Variants in CCDC171 observed in about 807,000 individuals in gnomAD.
CCDC171 encodes coiled-coil domain containing 171.
A neutral mutation model predicts 168.2 loss-of-function variants in CCDC171; 177 were observed. That is an observed-to-expected ratio of 1.05 (90% CI 0.93 to 1.19). The LOEUF is 1.19. CCDC171 is among the 50% of genes most tolerant of loss of function. The pLI is 0.00. For synonymous variants in CCDC171, 687 were observed against 540.8 expected (o/e 1.27, Z -3.75); for missense variants, 1,991 against 1,539.0 (o/e 1.29, Z -4.91).
intron 4 of CCDC171, among the ~76,000 whole-genome samples, chr9:15,585,265 C>G (rs1045619073): frequency 1.3e-5 from 2 of 151,180 alleles, no homozygotes; most frequent in African/African-American, 2.4e-5. Context: ...GAAAGAAAAA[C>G]TTTTGTCCAA....
At chr9:15,944,850 T>TTCTTTCTTTCTG (rs1828144948) in intron 25 of CCDC171, among the ~76,000 whole-genome samples, 1 of 150,322 alleles carries the variant, frequency 6.7e-6, no homozygotes, top group Non-Finnish European at 1.5e-5. Context: ...CTTTCTTTCT[T>TTCTTTCTTTCTG]TCTTTCTTTC....
At chr9:15,865,194 C>T (rs2061723783) in intron 23 of CCDC171, among the ~76,000 whole-genome samples, 1 of 151,938 alleles carries the variant, frequency 6.6e-6, no homozygotes, top group African/African-American at 2.4e-5. Flanking sequence ...TTTGGATTTG[C>T]TTCTTCAGAA....
chr9:15,680,475 A>G (rs938558283), intron 10 of CCDC171, among the ~76,000 whole-genome samples: 7 of 152,234 alleles, frequency 4.6e-5, no homozygotes, highest in Non-Finnish European at 7.3e-5. Flanking sequence ...TCACCAAATC[A>G]GTGCTGCCCA....
At chr9:15,829,085 GT>G (rs1243711812) in intron 21 of CCDC171, among the ~76,000 whole-genome samples, 1 of 152,130 alleles carries the variant, frequency 6.6e-6, no homozygotes, top group Non-Finnish European at 1.5e-5. Flanking sequence ...CAAATATATT[GT>G]TACATTCAGT....
chr9:15,793,536 C>T (rs112741930), intron 21 of CCDC171, among the ~76,000 whole-genome samples: 4 of 146,988 alleles, frequency 2.7e-5, no homozygotes, highest in Admixed American at 6.9e-5. Context: ...AGCACCACAT[C>T]GCACTTATTC....
chr9:15,766,827 T>A (rs1205524034), intron 18 of CCDC171, among the ~76,000 whole-genome samples: 1 of 152,120 alleles, frequency 6.6e-6, no homozygotes, highest in African/African-American at 2.4e-5. Context: ...AGCTGATTTC[T>A]AAGGTTTGTT....
At chr9:15,593,588 A>T (rs1260942187) in intron 5 of CCDC171, among the ~76,000 whole-genome samples, 1 of 152,102 alleles carries the variant, frequency 6.6e-6, no homozygotes, top group Non-Finnish European at 1.5e-5. Flanking sequence ...AAATTTATAT[A>T]TAAATTATCA....
rs1316496520 is a variant in CCDC171 at position 15,819,890 on chromosome 9, C to A, written c.3268-26812C>A. On this transcript the variant is annotated intron_variant, in intron 21 of 25. Coordinates refer to ENST00000380701, the MANE Select transcript of CCDC171 (RefSeq NM_173550.4). Reference sequence around the variant, plus strand: ...ACCCCAAATCAATAGAATACACATTCTTTTCAGCACCACACCACACCTATT... The same window carrying A: ...ACCCCAAATCAATAGAATACACATTATTTTCAGCACCACACCACACCTATT... Among the ~76,000 whole-genome samples the A allele has an allele frequency of 4.2e-5, 5 of 117,792 alleles. 1 individual carries two copies. The highest frequency in any genetic ancestry group is 1.6e-4 in the African/African-American group (5 of 31,310). 77.3% of individuals were successfully genotyped at this position (117,792 alleles called of 152,430 possible).
At chr9:16,081,480 A>G in the CCDC171 span, among the ~76,000 whole-genome samples, 1 of 152,150 alleles carries the variant, frequency 6.6e-6, no homozygotes, top group Non-Finnish European at 1.5e-5. Flanking sequence ...TCCCTTGCTC[A>G]CTGAACATGA....
chr9:16,077,877 C>G, the CCDC171 span, among the ~76,000 whole-genome samples: 3 of 152,090 alleles, frequency 2.0e-5, no homozygotes, highest in East Asian at 5.8e-4. Flanking sequence ...GTTTCAGTAC[C>G]CAGGAAAAAA....
chr9:15,833,746 T>C (rs1419287398), intron 21 of CCDC171, among the ~76,000 whole-genome samples: 1 of 152,200 alleles, frequency 6.6e-6, no homozygotes, highest in East Asian at 1.9e-4. Context: ...ATTTATTTCC[T>C]TGCCACTTGG....
At chr9:16,085,359 G>T in the CCDC171 span, among the ~76,000 whole-genome samples, 1 of 152,226 alleles carries the variant, frequency 6.6e-6, no homozygotes, top group African/African-American at 2.4e-5. Context: ...AACTCAAGCT[G>T]CTGACCTCAG....
At chr9:15,662,807 C>A (rs2048415653) in intron 8 of CCDC171, among the ~76,000 whole-genome samples, 1 of 151,864 alleles carries the variant, frequency 6.6e-6, no homozygotes, top group African/African-American at 2.4e-5. Context: ...GAAACCCCAT[C>A]TCTACTAAAA....
chr9:15,767,504 A>G (rs138541392), intron 18 of CCDC171, among the ~76,000 whole-genome samples: 30 of 152,140 alleles, frequency 2.0e-4, no homozygotes, highest in African/African-American at 7.0e-4. Flanking sequence ...ACTTCATTCC[A>G]TCTACACCCT....
At chr9:15,565,086 CTT>C (rs34584445) in intron 2 of CCDC171, among the ~76,000 whole-genome samples, 40,213 of 118,970 alleles carry the variant, frequency 0.34, 6,240 homozygotes, top group East Asian at 0.61. Flanking sequence ...CCACCCCCCA[CTT>C]TTTTTTTTTT....
chr9:16,063,557 C>T (rs375163836), downstream of CCDC171, among the ~76,000 whole-genome samples: 9 of 152,204 alleles, frequency 5.9e-5, no homozygotes, highest in African/African-American at 2.2e-4. Flanking sequence ...TTACTCTTCT[C>T]GTTCCTTGAT....
chr9:15,920,539 C>A (rs988935063), intron 25 of CCDC171, 117 bp downstream of exon 25: 25 of 690,888 alleles, frequency 3.6e-5, no homozygotes, highest in African/African-American at 3.3e-4. Context: ...GGTAAATGAT[C>A]AATCAAGTGA....
intron 1 of CCDC171, among the ~76,000 whole-genome samples, chr9:16,050,680 G>C (rs1375793741): frequency 6.6e-6 from 1 of 152,182 alleles, no homozygotes; most frequent in East Asian, 1.9e-4. Context: ...CTTTGTATAT[G>C]AGCATTGCAC....
At chr9:15,591,110 T>A (rs996299914) in intron 4 of CCDC171, among the ~76,000 whole-genome samples, 1 of 152,086 alleles carries the variant, frequency 6.6e-6, no homozygotes, top group Non-Finnish European at 1.5e-5. Context: ...TATGTCACAC[T>A]GTTTCATAGC....
Sources: gnomAD v4.1 joint callset for allele counts (sites outside exome capture counted in the v4.1 genomes callset) on GRCh38, gnomAD v4.1.1 for gene constraint, MANE v1.5 for transcripts, NCBI Gene and HGNC (gene_info 2026-07-23, HGNC 2026-07-21) for gene names.